NUP85: variants seen among roughly 807,000 people sequenced by gnomAD.
NUP85 encodes the protein nucleoporin 85, also known as nuclear pore complex protein Nup85.
A neutral mutation model predicts 92.8 loss-of-function variants in NUP85; 23 were observed. The observed-to-expected ratio is 0.25, with a 90% CI of 0.18 to 0.35. The LOEUF is 0.35. NUP85 is among the 10% of genes least tolerant of loss of function. The pLI is 1.00. For synonymous variants in NUP85, 314 were observed against 306.9 expected, an observed-to-expected ratio of 1.02 and a Z score of -0.24; for missense variants, 759 against 822.8, an observed-to-expected ratio of 0.92 and a Z score of 0.95.
intron 4 of NUP85, among the ~76,000 whole-genome samples, 185 bp downstream of exon 4, chr17:75,212,247 GTTTTTTTT>G (rs1219393857): frequency 1.4e-3 from 5 of 3,672 alleles, no homozygotes; most frequent in East Asian, 8.9e-3. Context: ...TTTTGTTGTT[GTTTTTTTT>G]TTTTTTTTTT....
rs768851467 is a variant in NUP85 at position 75,231,654 on chromosome 17, T to C, written c.1244+16T>C. ...CTCATCCCAGGTAGGAAGGACCCCA[T>C]GGGTGTGGGCTATGCGGGTGCTCTT... On this transcript the variant is annotated intron_variant, in intron 13 of 18. Transcript: ENST00000245544. This position sits in a 1 kb window ranked among gnomAD's most constrained non-coding sequence, Gnocchi z 4.6. 35 of 1,613,528 alleles carry C rather than the reference T, an allele frequency of 2.2e-5. No individual in the cohort carries two copies. The highest frequency in any genetic ancestry group is 2.4e-5 in the Non-Finnish European group (28 of 1,179,662).
In NUP85 at chr17:75,218,588, G is replaced by GTTTTTTTTTTT. The variant is rs67761124; in HGVS notation, c.597+291_597+301dup. 9.7e-5 allele frequency among the ~76,000 whole-genome samples: 8 copies of GTTTTTTTTTTT among 82,836 alleles called. 1 individual carries two copies. The highest frequency in any genetic ancestry group is 1.5e-4 in the Non-Finnish European group (7 of 46,870). 54.3% of individuals were successfully genotyped at this position (82,836 alleles called of 152,430 possible). ...AAGACACAAAAAGGAATACAAAACC[G>GTTTTTTTTTTT]TTTTTTTTTTTTTTTTTTTGAGACA... On this transcript the variant is annotated intron_variant, in intron 7 of 18. Transcript: ENST00000245544.
At chr17:75,212,412 T>C (rs1357135522) in intron 4 of NUP85, among the ~76,000 whole-genome samples, 2 of 150,198 alleles carry the variant, frequency 1.3e-5, no homozygotes, top group Non-Finnish European at 3.0e-5. Context: ...GGGACTACAG[T>C]TGTACACCAC....
Position 75,231,453 on chromosome 17 carries a change from C to T in NUP85, c.1178+30C>T, listed in dbSNP as rs917027828. 1 of 1,612,756 alleles carries T rather than the reference C, an allele frequency of 6.2e-7. No individual in the cohort carries two copies. The highest frequency in any genetic ancestry group is 1.1e-5 in the South Asian group (1 of 91,040). On this transcript the variant is annotated intron_variant, in intron 12 of 18. Coordinates refer to ENST00000245544, the MANE Select transcript of NUP85 (RefSeq NM_024844.5). The surrounding 1 kb of genome is among the most constrained non-coding windows in gnomAD (Gnocchi z 4.6). The stretch of plus-strand genomic sequence containing the variant: ...GTGGCCGGGAGGCACCGATCCTCCT[C>T]TTCTTACCACCAGGCCCCCGAGGGT...
intron 7 of NUP85, among the ~76,000 whole-genome samples, chr17:75,224,467 C>T (rs1360922252): frequency 6.6e-6 from 1 of 152,148 alleles, no homozygotes; most frequent in African/African-American, 2.4e-5. Context: ...TAATCAACAG[C>T]ACACACCATG....
At chr17:75,208,374 G>C in intron 1 of NUP85, 153 bp from the exon 2 acceptor site, 1 of 635,802 alleles carries the variant, frequency 1.6e-6, no homozygotes, top group South Asian at 2.0e-5. Context: ...GAACCCAGGA[G>C]GCGGCGATTG....
chr17:75,219,123 A>G (rs1470797032), intron 7 of NUP85, among the ~76,000 whole-genome samples: 1 of 152,164 alleles, frequency 6.6e-6, no homozygotes, highest in Non-Finnish European at 1.5e-5. Flanking sequence ...GACTGGGCTA[A>G]TGGAAAGTCA....
In NUP85 at chr17:75,231,569, C is replaced by A; in HGVS notation, c.1179-4C>A. 6.2e-7 allele frequency: 1 copy of A among 1,614,148 alleles called. No homozygotes were observed. Among genetic ancestry groups the A allele is most frequent in the Non-Finnish European group, 8.5e-7 (1 of 1,180,006 alleles). On this transcript the variant is annotated splice_polypyrimidine_tract_variant and splice_region_variant and intron_variant, in intron 12 of 18. Transcript: ENST00000245544. This position sits in a 1 kb window ranked among gnomAD's most constrained non-coding sequence, Gnocchi z 4.6. ...TCTTGGTCTTTTGTTATGTTTTATT[C>A]CAGTTTCGGTTCCAACATGAGAGAG...
intron 7 of NUP85, among the ~76,000 whole-genome samples, chr17:75,220,614 G>A (rs556022290): frequency 6.6e-6 from 1 of 151,624 alleles, no homozygotes; most frequent in African/African-American, 2.4e-5. Flanking sequence ...TTGAGATGGC[G>A]TCTTTCTCTG....
chr17:75,215,788 A>T lies in NUP85; in HGVS notation c.440A>T (p.Asn147Ile). The T allele has an allele frequency of 6.2e-7, 1 of 1,613,976 alleles. No individual in the cohort carries two copies. The highest frequency in any genetic ancestry group is 1.3e-5 in the African/African-American group (1 of 75,014). The change falls in exon 6 of 19, where the codon AAC becomes ATC. Residue 147 changes from asparagine (N) to isoleucine (I), a missense_variant. Asn to Ile is a moderately radical substitution (Grantham distance 149, BLOSUM62 -3). Transcript: ENST00000245544. ...TTGTCAGCAATGGAGCTCATCTGGA[A>T]CCTGTGTGAGATTCTTTTTATTGAA... is the stretch of plus-strand genomic sequence containing the variant. The part of the protein sequence containing the change: ...SILSAMELIW[N>I]LCEILFIEVA...
At position 75,225,128 on chromosome 17, in the gene NUP85, G is replaced by A. The variant is rs147965234; in HGVS notation, c.623G>A (p.Arg208Gln). Reference sequence around the variant, plus strand: ...GTGACCATCTTGGTGCTGCAGGGCCGGCTGGATGAGGCCCGACAGATGCTC... The same window carrying A: ...GTGACCATCTTGGTGCTGCAGGGCCAGCTGGATGAGGCCCGACAGATGCTC... The part of the protein sequence containing the change: ...NLVTILVLQG[R>Q]LDEARQMLSK... Residue 208 changes from arginine (R) to glutamine (Q), a missense_variant, in exon 8 of 19, where the codon CGG (arginine) becomes CAG (glutamine). Arg to Gln is a conservative substitution (Grantham distance 43, BLOSUM62 1). Coordinates refer to ENST00000245544, the MANE Select transcript of NUP85 (RefSeq NM_024844.5). The A allele has an allele frequency of 3.1e-5, 49 of 1,582,164 alleles. No homozygotes were observed. The highest frequency in any genetic ancestry group is 4.0e-5 in the African/African-American group (3 of 74,318).
chr17:75,234,833 G>T lies in NUP85; in HGVS notation c.1767+45G>T, dbSNP rs751363224. On this transcript the variant is annotated intron_variant, in intron 17 of 18. Coordinates refer to ENST00000245544, the MANE Select transcript of NUP85 (RefSeq NM_024844.5). The stretch of plus-strand genomic sequence containing the variant: ...TGGTTTTCTTTGCTTGTCAGTCCCT[G>T]CTAGAGCTTAGTTGTATAGCTGTTG... 4 of 1,608,926 alleles carry T rather than the reference G, an allele frequency of 2.5e-6. No homozygotes were observed. In the East Asian group the frequency reaches 8.9e-5, roughly 36 times the overall value.
Position 75,225,442 on chromosome 17 carries a change from C to G in NUP85, c.833C>G (p.Pro278Arg). The change falls in exon 9 of 19, where the codon CCT becomes CGT. Residue 278 changes from proline (P) to arginine (R), a missense_variant. Coordinates refer to ENST00000245544, the MANE Select transcript of NUP85 (RefSeq NM_024844.5). ...CAGGACAGCACATTCGCCACCAGCC[C>G]TCACCTGGAGTCTCTCTTGAAGGTC... is the stretch of plus-strand genomic sequence containing the variant. ...YLQDSTFATSPHLESLLKIML... is the reference protein window; with the variant it reads ...YLQDSTFATSRHLESLLKIML... 1 of 1,613,952 alleles carries G rather than the reference C, an allele frequency of 6.2e-7. No individual in the cohort carries two copies. The highest frequency in any genetic ancestry group is 8.5e-7 in the Non-Finnish European group (1 of 1,180,022).
At chr17:75,218,452 C>T (rs2075496673) in intron 7 of NUP85, 146 bp downstream of exon 7, 1 of 955,762 alleles carries the variant, frequency 1.0e-6, no homozygotes, top group Non-Finnish European at 1.6e-6. Flanking sequence ...ATCTTTTCTT[C>T]CCTGCTCTAT....
rs753039026 is a variant in NUP85 at position 75,234,808 on chromosome 17, TG to T, written c.1767+22del. Reference sequence around the variant, plus strand: ...AAACAGGTGAAGGTTGCAGCAGCAGTGGTTTTCTTTGCTTGTCAGTCCCTGC... The same window carrying T: ...AAACAGGTGAAGGTTGCAGCAGCAGTGTTTTCTTTGCTTGTCAGTCCCTGC... On this transcript the variant is annotated intron_variant, in intron 17 of 18. Coordinates refer to ENST00000245544, the MANE Select transcript of NUP85 (RefSeq NM_024844.5). The T allele has an allele frequency of 6.2e-7, 1 of 1,613,752 alleles. No individual in the cohort carries two copies. Among genetic ancestry groups the T allele is most frequent in the Non-Finnish European group, 8.5e-7 (1 of 1,179,948 alleles).
intron 16 of NUP85, among the ~76,000 whole-genome samples, chr17:75,233,437 C>CTTTTTTTTTTTTTTTTTTTTTTTT (rs60396796): frequency 4.3e-5 from 5 of 117,180 alleles, no homozygotes; most frequent in African/African-American, 1.7e-4. Context: ...TTTATTTTTT[C>CTTTTTTTTTTTTTTTTTTTTTTTT]TTTTTTTTTT....
chr17:75,212,085 C>CAT lies in NUP85; in HGVS notation c.361+23_361+24insAT, dbSNP rs1555660398. On this transcript the variant is annotated intron_variant, in intron 4 of 18. Coordinates refer to ENST00000245544, the MANE Select transcript of NUP85 (RefSeq NM_024844.5). ...CAAGTAAGGACTGTGTGCGCGTGCG[C>CAT]GCGTGTGTGTGTGTGTGTGTGTGTG... is the stretch of plus-strand genomic sequence containing the variant. 21 of 1,397,852 alleles carry CAT rather than the reference C, an allele frequency of 1.5e-5. 1 individual carries two copies. The highest frequency in any genetic ancestry group is 9.6e-5 in the South Asian group (8 of 83,200). The allele number at this position is 1,397,852 out of a possible 1,614,324, so 86.6% of individuals were successfully genotyped here.
At position 75,231,904 on chromosome 17, in the gene NUP85, C is replaced by A. The variant is rs1282968084; in HGVS notation, c.1321C>A (p.Arg441=). 6.2e-7 allele frequency: 1 copy of A among 1,614,196 alleles called. No individual in the cohort carries two copies. Among genetic ancestry groups the A allele is most frequent in the Non-Finnish European group, 8.5e-7 (1 of 1,180,032 alleles). The part of the protein sequence containing the change: ...GRVSLELHIE[R]IPLNTEQKAL... Reference sequence around the variant, plus strand: ...AGTCTCCCTGGAGCTGCACATTGAGCGGATACCTCTGAACACCGAGCAGAA... The same window carrying A: ...AGTCTCCCTGGAGCTGCACATTGAGAGGATACCTCTGAACACCGAGCAGAA... Residue 441 remains arginine, a synonymous_variant, in exon 14 of 19, where the codon CGG becomes AGG. Transcript: ENST00000245544. The surrounding 1 kb of genome is among the most constrained non-coding windows in gnomAD (Gnocchi z 4.6).
intron 16 of NUP85, among the ~76,000 whole-genome samples, chr17:75,233,393 C>CTTTCTCTT (rs1192193138): frequency 0.063 from 8,634 of 137,284 alleles, 787 homozygotes; most frequent in African/African-American, 0.19. Context: ...CTTTCTTTCT[C>CTTTCTCTT]TTTCTCTTTC....
Sources: allele counts gnomAD v4.1 joint callset (sites outside exome capture counted in the v4.1 genomes callset), GRCh38; gene constraint gnomAD v4.1.1; non-coding constraint Gnocchi (gnomAD v3.1); transcripts MANE v1.5; gene names NCBI Gene and HGNC (gene_info 2026-07-23, HGNC 2026-07-21).